ADAMTS6: variants seen among roughly 807,000 people sequenced by gnomAD.
ADAMTS6 encodes the protein A disintegrin and metalloproteinase with thrombospondin motifs 6.
In ADAMTS6, 23 loss-of-function variants were observed where a neutral mutation model predicts 144.3. That is an observed-to-expected ratio of 0.16 (90% CI 0.11 to 0.23). The LOEUF is 0.23. Among genes scored for constraint, ADAMTS6 ranks in the 10% least tolerant of loss-of-function variants. ADAMTS6 has a pLI of 1.00. For missense variants in ADAMTS6, 999 were observed against 1,379.6 expected, an observed-to-expected ratio of 0.72 and a Z score of 4.37; for synonymous variants, 444 against 457.5, an observed-to-expected ratio of 0.97 and a Z score of 0.38.
chr5:65,474,996 AG>A (rs1760747004), intron 1 of ADAMTS6, among the ~76,000 whole-genome samples: 1 of 152,066 alleles, frequency 6.6e-6, no homozygotes, highest in South Asian at 2.1e-4. Context: ...GCGTTTAATA[AG>A]GTAAGTTACT....
intron 14 of ADAMTS6, among the ~76,000 whole-genome samples, chr5:65,260,041 T>C (rs140459820): frequency 3.9e-5 from 6 of 152,242 alleles, no homozygotes; most frequent in African/African-American, 7.2e-5. Flanking sequence ...AGAAGCAATA[T>C]CTTCAGAGGA....
chr5:65,181,472 A>C (rs549399612), intron 22 of ADAMTS6, among the ~76,000 whole-genome samples: 3 of 152,368 alleles, frequency 2.0e-5, no homozygotes, highest in Non-Finnish European at 4.4e-5. Context: ...TGAACAGTTC[A>C]GAAAATATTT....
chr5:65,355,729 G>A (rs963316090), intron 7 of ADAMTS6, among the ~76,000 whole-genome samples: 2 of 151,734 alleles, frequency 1.3e-5, no homozygotes, highest in East Asian at 1.9e-4. Context: ...AAGTCTAATC[G>A]AGAGCTAAAG....
chr5:65,180,693 G>C (rs1229424434), intron 22 of ADAMTS6, among the ~76,000 whole-genome samples: 2 of 144,756 alleles, frequency 1.4e-5, no homozygotes, highest in Non-Finnish European at 3.0e-5. Context: ...CAATTATACT[G>C]CATTTTGATT....
At chr5:65,303,049 T>C (rs1743591642) in intron 9 of ADAMTS6, among the ~76,000 whole-genome samples, 1 of 152,158 alleles carries the variant, frequency 6.6e-6, no homozygotes, top group East Asian at 1.9e-4. Flanking sequence ...AAAGAGGCAA[T>C]TGAACATTTG....
chr5:65,310,370 C>A (rs899733468), intron 9 of ADAMTS6, among the ~76,000 whole-genome samples: 2 of 151,930 alleles, frequency 1.3e-5, no homozygotes, highest in Non-Finnish European at 2.9e-5. Flanking sequence ...TACAAAAAAT[C>A]AAAAAGTTAG....
chr5:65,354,009 A>G (rs1265343494), intron 7 of ADAMTS6, among the ~76,000 whole-genome samples: 2 of 151,852 alleles, frequency 1.3e-5, no homozygotes, highest in Non-Finnish European at 2.9e-5. Flanking sequence ...GGTTTCTTCC[A>G]TACGTGTTAT....
rs746296243 is a variant in ADAMTS6, at chr5:65,151,927, T to G, written c.3263A>C (p.Lys1088Thr). The change falls in exon 25 of 25, where the codon AAA becomes ACA. Residue 1088 changes from lysine (K) to threonine (T), a missense_variant. Around this residue, in one of 3 missense-constraint regions of ADAMTS6, gnomAD observed 619 missense variants for 837.0 expected, o/e 0.74. Transcript: ENST00000381055. ...CAGCACCAGTGGGCAATAAGCCACT[T>G]TATTCACATCTTTGCACTCTAACGA... ...SNTEECKDVN[K>T]VAYCPLVLKF... is the part of the protein sequence containing the mutation. 5.6e-6 allele frequency: 9 copies of G among 1,613,726 alleles called. No homozygotes were observed. The highest frequency in any genetic ancestry group is 7.6e-6 in the Non-Finnish European group (9 of 1,179,676).
At chr5:65,403,888 GAAC>G (rs938664335) in intron 7 of ADAMTS6, among the ~76,000 whole-genome samples, 36 of 152,014 alleles carry the variant, frequency 2.4e-4, no homozygotes, top group Admixed American at 9.8e-4. Flanking sequence ...CTTCAGAAGA[GAAC>G]AAGAATCTTG....
In ADAMTS6 at chr5:65,264,707, C is replaced by T. The variant is rs183069211; in HGVS notation, c.1621-1745G>A. 2.8e-3 allele frequency among the ~76,000 whole-genome samples: 420 copies of T among 152,218 alleles called. 12 individuals are homozygous for T. Among genetic ancestry groups the T allele is most frequent in the Admixed American group, 0.025 (376 of 15,288 alleles). The stretch of plus-strand genomic sequence containing the variant: ...TGAAGAATTCAGTTCCTCAGACCCA[C>T]TAGCCACAGGTAGCTAGTGGCTACT... On this transcript the variant is annotated intron_variant, in intron 12 of 24. Coordinates refer to ENST00000381055, the MANE Select transcript of ADAMTS6 (RefSeq NM_197941.4).
intron 7 of ADAMTS6, among the ~76,000 whole-genome samples, chr5:65,422,733 T>C (rs1442061937): frequency 6.6e-6 from 1 of 152,186 alleles, no homozygotes; most frequent in East Asian, 1.9e-4. Flanking sequence ...GAAAGCAGTA[T>C]GGAAATTTCT....
chr5:65,309,661 C>T (rs1211249051), intron 9 of ADAMTS6, among the ~76,000 whole-genome samples: 3 of 151,994 alleles, frequency 2.0e-5, no homozygotes, highest in Admixed American at 1.3e-4. Flanking sequence ...AATATACATA[C>T]CCGAATATAT....
chr5:65,457,262 C>T (rs1759281143), intron 4 of ADAMTS6, among the ~76,000 whole-genome samples: 1 of 152,014 alleles, frequency 6.6e-6, no homozygotes, highest in African/African-American at 2.4e-5. Context: ...AGACAAAAAG[C>T]ATAATTAGAA....
chr5:65,333,215 G>T (rs1479557104), intron 8 of ADAMTS6, among the ~76,000 whole-genome samples: 1 of 151,926 alleles, frequency 6.6e-6, no homozygotes, highest in Non-Finnish European at 1.5e-5. Flanking sequence ...AAGTCTCTAT[G>T]ACCTTAAAAA....
chr5:65,420,976 T>C (rs1755985994), intron 7 of ADAMTS6, among the ~76,000 whole-genome samples: 1 of 152,232 alleles, frequency 6.6e-6, no homozygotes, highest in African/African-American at 2.4e-5. Context: ...TAAATGAGTC[T>C]CTTGAAAAAA....
At chr5:65,426,051 T>C (rs1756493169) in intron 7 of ADAMTS6, among the ~76,000 whole-genome samples, 1 of 112,268 alleles carries the variant, frequency 8.9e-6, no homozygotes, top group Non-Finnish European at 2.2e-5. Context: ...GCACACAGAC[T>C]TTTTTTTTTT....
intron 7 of ADAMTS6, among the ~76,000 whole-genome samples, chr5:65,374,385 T>A (rs2150125457): frequency 6.7e-6 from 1 of 149,406 alleles, no homozygotes; most frequent in Admixed American, 6.7e-5. Flanking sequence ...AAAATCTCCT[T>A]AAGCTGATAA....
intron 2 of ADAMTS6, among the ~76,000 whole-genome samples, chr5:65,471,803 G>C (rs1209612495): frequency 6.6e-6 from 1 of 151,836 alleles, no homozygotes; most frequent in Non-Finnish European, 1.5e-5. Flanking sequence ...CACGTCAATG[G>C]GAATGTAAAA....
chr5:65,325,471 T>A (rs56238110), intron 9 of ADAMTS6, among the ~76,000 whole-genome samples: 17,184 of 151,418 alleles, frequency 0.11, 1,049 homozygotes, highest in African/African-American at 0.15. Flanking sequence ...GACCAATATA[T>A]CCCTATAGCT....
Sources: allele counts gnomAD v4.1 joint callset (sites outside exome capture counted in the v4.1 genomes callset), GRCh38; gene constraint gnomAD v4.1.1; regional missense constraint gnomAD v4.1.1; transcripts MANE v1.5; gene names NCBI Gene and HGNC (gene_info 2026-07-23, HGNC 2026-07-21).